Variants in PDE10A observed in about 807,000 individuals in gnomAD.
PDE10A encodes the protein cAMP and cAMP-inhibited cGMP 3',5'-cyclic phosphodiesterase 10A.
A neutral mutation model predicts 97.7 loss-of-function variants in PDE10A; 39 were observed. The observed-to-expected ratio is 0.40, with a 90% CI of 0.31 to 0.52. The LOEUF is 0.52. Ranked by LOEUF, PDE10A falls within the 20% of genes least tolerant of loss-of-function variation. The probability of loss-of-function intolerance (pLI) is 0.56; values close to 1 mark genes in which losing one functional copy is unlikely to be tolerated. For missense variants in PDE10A, 731 were observed against 1,047.8 expected, an observed-to-expected ratio of 0.70 and a Z score of 4.17; for synonymous variants, 371 against 376.8, an observed-to-expected ratio of 0.98 and a Z score of 0.18.
At chr6:165,783,584 G>A (rs1778402387) in intron 1 of PDE10A, among the ~76,000 whole-genome samples, 1 of 70,010 alleles carries the variant, frequency 1.4e-5, no homozygotes, top group Non-Finnish European at 2.9e-5. Flanking sequence ...CTTATGAAAG[G>A]AAACGAGTCA....
intron 1 of PDE10A, among the ~76,000 whole-genome samples, chr6:165,646,089 G>A (rs1289723194): frequency 6.6e-6 from 1 of 152,184 alleles, no homozygotes; most frequent in Non-Finnish European, 1.5e-5. Context: ...GCCTGGCACA[G>A]ACCAGGGAAC....
chr6:165,444,818 T>C (rs1333166814), intron 5 of PDE10A, among the ~76,000 whole-genome samples: 1 of 152,152 alleles, frequency 6.6e-6, no homozygotes, highest in Non-Finnish European at 1.5e-5. Flanking sequence ...ATATTTCTCA[T>C]TACATCAATT....
intron 17 of PDE10A, among the ~76,000 whole-genome samples, chr6:165,384,437 C>T (rs142995570): frequency 2.7e-4 from 41 of 152,240 alleles, no homozygotes; most frequent in African/African-American, 6.5e-4. Context: ...AAAATGAGAA[C>T]GCAGACTGAC....
chr6:165,809,164 G>A (rs1282770032), intron 1 of PDE10A, among the ~76,000 whole-genome samples: 2 of 152,178 alleles, frequency 1.3e-5, no homozygotes, highest in East Asian at 1.9e-4. Flanking sequence ...TGGGACCTGC[G>A]ATGCTAGTGA....
intron 1 of PDE10A, among the ~76,000 whole-genome samples, chr6:165,844,375 T>A (rs1280998096): frequency 6.6e-6 from 1 of 152,222 alleles, no homozygotes; most frequent in Non-Finnish European, 1.5e-5. Flanking sequence ...GCCTTTCTCA[T>A]GAAAACTTAT....
intron 1 of PDE10A, among the ~76,000 whole-genome samples, chr6:165,668,546 C>T (rs1304197395): frequency 3.3e-5 from 5 of 150,404 alleles, no homozygotes; most frequent in East Asian, 1.9e-4. Context: ...ACAAGGGGTT[C>T]GATGCAGTTA....
At chr6:165,550,990 A>G (rs150875235) in intron 1 of PDE10A, among the ~76,000 whole-genome samples, 12 of 152,314 alleles carry the variant, frequency 7.9e-5, no homozygotes, top group East Asian at 7.7e-4. Context: ...AATTTTCTTT[A>G]TATTTCTGTA....
At chr6:165,374,097 G>C (rs1198920649) in intron 18 of PDE10A, among the ~76,000 whole-genome samples, 1 of 110,364 alleles carries the variant, frequency 9.1e-6, no homozygotes, top group Admixed American at 1.0e-4. Context: ...GGGGGAGGGG[G>C]GAGGGATAGC....
rs1384363161 is a variant in PDE10A at position 165,552,620 on chromosome 6, T to G, written c.866-9052A>C. Among the ~76,000 whole-genome samples the G allele has an allele frequency of 2.6e-5, 4 of 152,340 alleles. No individual in the cohort carries two copies. The South Asian group carries it at 8.3e-4, about 32-fold the overall frequency. On this transcript the variant is annotated intron_variant, in intron 1 of 21. Coordinates refer to ENST00000539869, the MANE Select transcript of PDE10A (RefSeq NM_001385079.1). ...GACAAACACTGTTAGACGTCACTGC[T>G]GGAGGAATGAAGGTATCCTCGGAAG...
rs145785848 is a variant in PDE10A at position 165,524,772 on chromosome 6, C to T, written c.994+18668G>A. ...GCAATGAAAGATGCATGCACAGCCTCGCCAGGTGTCTGCTGTTAAAGTGAG... is the reference window on the plus strand; with the variant it reads ...GCAATGAAAGATGCATGCACAGCCTTGCCAGGTGTCTGCTGTTAAAGTGAG... On this transcript the variant is annotated intron_variant, in intron 2 of 21. Coordinates refer to ENST00000539869, the MANE Select transcript of PDE10A (RefSeq NM_001385079.1). Among the ~76,000 whole-genome samples the T allele has an allele frequency of 4.5e-3, 681 of 152,246 alleles. 7 individuals carry two copies. Among genetic ancestry groups the T allele is most frequent in the African/African-American group, 0.016 (662 of 41,552 alleles).
Position 165,336,187 on chromosome 6 carries a change from T to C in PDE10A, c.3001A>G (p.Ile1001Val). The C allele has an allele frequency of 1.2e-6, 2 of 1,613,980 alleles. No homozygotes were observed. The highest frequency in any genetic ancestry group is 1.7e-6 in the Non-Finnish European group (2 of 1,179,942). ...TGGGTAAGGGTTGTATAGCAGGGAA[T>C]GGCCACGGCATTGTAGAACCCAAGC... ...GQLGFYNAVA[I>V]PCYTTLTQIL... The change falls in exon 21 of 22, where the codon ATT becomes GTT. Residue 1001 changes from isoleucine to valine, a missense_variant. Coordinates refer to ENST00000539869, the MANE Select transcript of PDE10A (RefSeq NM_001385079.1).
chr6:165,936,855 A>G (rs1783348202), intron 1 of PDE10A, among the ~76,000 whole-genome samples: 1 of 152,218 alleles, frequency 6.6e-6, no homozygotes, highest in Admixed American at 6.5e-5. Context: ...CACTCTTCTA[A>G]GATCATCTCC....
intron 3 of PDE10A, among the ~76,000 whole-genome samples, chr6:165,460,995 T>G (rs532209393): frequency 5.3e-5 from 8 of 152,182 alleles, no homozygotes; most frequent in Non-Finnish European, 1.2e-4. Context: ...GGTTAACAGA[T>G]AAGCCAATTT....
intron 2 of PDE10A, among the ~76,000 whole-genome samples, chr6:165,528,320 C>A (rs531710715): frequency 1.3e-5 from 2 of 152,290 alleles, no homozygotes; most frequent in African/African-American, 4.8e-5. Flanking sequence ...CACCACTCAG[C>A]CTCTTTCCCC....
At chr6:165,596,436 A>C in intron 1 of PDE10A, among the ~76,000 whole-genome samples, 1 of 151,436 alleles carries the variant, frequency 6.6e-6, no homozygotes. Flanking sequence ...TCTGCTTAAA[A>C]CTCTTCAATG....
In PDE10A at chr6:165,655,626, A is replaced by G. The variant is rs1377469185; in HGVS notation, c.865+6321T>C. ...TTGCTCTTGTCTTGACTATGACAGTAGCATCCATGGACTCCCTGTATCCAC... is the reference window on the plus strand; with the variant it reads ...TTGCTCTTGTCTTGACTATGACAGTGGCATCCATGGACTCCCTGTATCCAC... On this transcript the variant is annotated intron_variant, in intron 1 of 21. Transcript: ENST00000539869. The surrounding 1 kb of genome is among the most constrained non-coding windows in gnomAD (Gnocchi z 4.5). Among the ~76,000 whole-genome samples, 1 of 152,156 alleles carries G rather than the reference A, an allele frequency of 6.6e-6. No individual in the cohort carries two copies. Among genetic ancestry groups the G allele is most frequent in the Non-Finnish European group, 1.5e-5 (1 of 68,032 alleles).
At chr6:165,858,709 G>A (rs1780817598) in intron 1 of PDE10A, among the ~76,000 whole-genome samples, 2 of 152,166 alleles carry the variant, frequency 1.3e-5, no homozygotes, top group African/African-American at 4.8e-5. Flanking sequence ...TGCCCTAGAA[G>A]ACATCCAATT....
intron 1 of PDE10A, among the ~76,000 whole-genome samples, chr6:165,915,117 A>G (rs1403331458): frequency 6.6e-6 from 1 of 152,184 alleles, no homozygotes; most frequent in Admixed American, 6.5e-5. Context: ...CAAATGTGCA[A>G]TTAGAGTGTG....
chr6:165,705,993 G>A (rs1383164934), intron 1 of PDE10A, among the ~76,000 whole-genome samples: 1 of 152,180 alleles, frequency 6.6e-6, no homozygotes, highest in Admixed American at 6.5e-5. Flanking sequence ...CAACTTGGGG[G>A]AAAAGAAAAT....
Sources: allele counts gnomAD v4.1 joint callset (sites outside exome capture counted in the v4.1 genomes callset), GRCh38; gene constraint gnomAD v4.1.1; non-coding constraint Gnocchi (gnomAD v3.1); transcripts MANE v1.5; gene names NCBI Gene and HGNC (gene_info 2026-07-23, HGNC 2026-07-21).